Variants in C7 observed in about 807,000 individuals in gnomAD.
C7 encodes the protein complement component C7.
Under a neutral mutation model 104.8 loss-of-function variants are expected in C7, and 83 were observed. The ratio of observed to expected loss-of-function variants is 0.79; its 90% CI spans 0.66 to 0.95. The LOEUF (loss-of-function observed/expected upper bound fraction) is 0.95, where lower values mean the gene tolerates loss of function less well. Among genes scored for constraint, C7 ranks in the 40% least tolerant of loss-of-function variants. The probability of loss-of-function intolerance (pLI) is 0.00; values close to 1 mark genes in which losing one functional copy is unlikely to be tolerated. For synonymous variants in C7, 415 were observed against 360.6 expected, an observed-to-expected ratio of 1.15 and a Z score of -1.71; for missense variants, 1,070 against 1,011.2, an observed-to-expected ratio of 1.06 and a Z score of -0.79.
chr5:40,952,503 T>A (rs1740192965), intron 9 of C7, among the ~76,000 whole-genome samples: 1 of 151,806 alleles, frequency 6.6e-6, no homozygotes, highest in African/African-American at 2.4e-5. Context: ...TATTTATTTA[T>A]TTTTATTATA....
At chr5:40,913,859 T>TTAGTAGAGA (rs1190391511) in intron 1 of C7, among the ~76,000 whole-genome samples, 4 of 152,084 alleles carry the variant, frequency 2.6e-5, no homozygotes, top group African/African-American at 9.7e-5. Context: ...TTTTGTATTT[T>TTAGTAGAGA]TAGTAGAGAT....
chr5:40,959,217 C>T (rs148634211), intron 11 of C7, among the ~76,000 whole-genome samples: 5 of 152,274 alleles, frequency 3.3e-5, no homozygotes, highest in Non-Finnish European at 7.4e-5. Flanking sequence ...GTAAAATAAT[C>T]AACAAATTAA....
At chr5:40,951,712 T>C (rs1201797288) in intron 9 of C7, among the ~76,000 whole-genome samples, 1 of 152,194 alleles carries the variant, frequency 6.6e-6, no homozygotes, top group Non-Finnish European at 1.5e-5. Flanking sequence ...GGCCATAGAC[T>C]GAGCAGTATC....
rs112778074 is a variant in C7, at chr5:40,953,229, G to A, written c.1094-2158G>A. Among the ~76,000 whole-genome samples, 424 of 152,236 alleles carry A rather than the reference G, an allele frequency of 2.8e-3. 4 individuals carry two copies. Among genetic ancestry groups the A allele is most frequent in the African/African-American group, 9.9e-3 (411 of 41,544 alleles). On this transcript the variant is annotated intron_variant, in intron 9 of 17. Coordinates refer to ENST00000313164, the MANE Select transcript of C7 (RefSeq NM_000587.4). ...TCAAATATTGCATGTTCTCATATGT[G>A]AGGGTTAAAAAAATTGATCTCATGG...
At chr5:40,972,375 C>T (rs1273298067) in intron 14 of C7, 28 bp from the exon 15 acceptor site, 6 of 1,595,064 alleles carry the variant, frequency 3.8e-6, no homozygotes, top group Non-Finnish European at 5.2e-6. Flanking sequence ...AGCAACGACC[C>T]TTATATTTTG....
At chr5:40,959,860 G>T (rs992618709) in intron 12 of C7, among the ~76,000 whole-genome samples, 1 of 152,172 alleles carries the variant, frequency 6.6e-6, no homozygotes, top group Non-Finnish European at 1.5e-5. Flanking sequence ...GAGTGGATAC[G>T]ATCATTCTCA....
chr5:40,955,514 A>G lies in C7; in HGVS notation c.1221A>G (p.Ala407=), dbSNP rs747915729. 3 of 1,613,566 alleles carry G rather than the reference A, an allele frequency of 1.9e-6. No individual in the cohort carries two copies. The Admixed American group carries it at 5.0e-5, about 27-fold the overall frequency. Residue 407 remains alanine (A), a synonymous_variant, in exon 10 of 18, where the codon GCA becomes GCG. Transcript: ENST00000313164. ...AGNKRRYSAW[A]ESVTNLPQVI... ...ACAAAAGGCGATATTCTGCCTGGGC[A>G]GAATCTGTGACTAATCTTCCTCAAG...
rs1449790360 is a variant in C7 at position 40,928,774 on chromosome 5, A to G, written c.62+139A>G. ...TTCTCTTTCCATATTTTTATAAAAG[A>G]CAATGATAACAAAAGCATGTGTTTT... On this transcript the variant is annotated intron_variant, in intron 2 of 17. Coordinates refer to ENST00000313164, the MANE Select transcript of C7 (RefSeq NM_000587.4). 10 of 525,580 alleles carry G rather than the reference A, an allele frequency of 1.9e-5. No homozygotes were observed. The South Asian group carries it at 2.9e-4, about 15-fold the overall frequency. 32.6% of individuals were successfully genotyped at this position (525,580 alleles called of 1,614,324 possible). A position where few individuals can be genotyped will look rare whatever the true frequency, so the allele number is the denominator to read the frequency against.
intron 9 of C7, among the ~76,000 whole-genome samples, chr5:40,952,791 A>G (rs1740202762): frequency 6.6e-6 from 1 of 152,118 alleles, no homozygotes; most frequent in Non-Finnish European, 1.5e-5. Flanking sequence ...TGTGGCACAT[A>G]TACACCATGA....
chr5:40,927,685 A>G (rs547415425), intron 1 of C7, among the ~76,000 whole-genome samples: 7 of 152,256 alleles, frequency 4.6e-5, no homozygotes, highest in African/African-American at 1.7e-4. Flanking sequence ...AGATACGTAA[A>G]AAAAGTGCTC....
At chr5:40,910,269 A>G (rs1422696937) in intron 1 of C7, among the ~76,000 whole-genome samples, 2 of 152,264 alleles carry the variant, frequency 1.3e-5, no homozygotes, top group Admixed American at 6.5e-5. Flanking sequence ...AATCGCTATC[A>G]TAGACTAAAT....
rs576683022 is a variant in C7 at position 40,959,312 on chromosome 5, A to G, written c.1490-137A>G. The G allele has an allele frequency of 4.0e-5, 30 of 741,592 alleles. No individual in the cohort carries two copies. The South Asian group carries it at 6.6e-4, about 16-fold the overall frequency. 45.9% of individuals were successfully genotyped at this position (741,592 alleles called of 1,614,324 possible). A position where few individuals can be genotyped will look rare whatever the true frequency, so the allele number is the denominator to read the frequency against. The stretch of plus-strand genomic sequence containing the variant: ...GTAGAGCCATTCTGAACATTGTAGA[A>G]AACCTCAATGAAGAGTGAAGGTAAT... On this transcript the variant is annotated intron_variant, in intron 11 of 17. Coordinates refer to ENST00000313164, the MANE Select transcript of C7 (RefSeq NM_000587.4).
intron 9 of C7, among the ~76,000 whole-genome samples, chr5:40,952,090 G>T (rs958900528): frequency 6.6e-6 from 1 of 152,244 alleles, no homozygotes; most frequent in African/African-American, 2.4e-5. Context: ...TCAGTCTTCA[G>T]TTGGGCTGGC....
chr5:40,961,095 C>T (rs1016102001), intron 12 of C7, among the ~76,000 whole-genome samples: 2 of 152,180 alleles, frequency 1.3e-5, no homozygotes, highest in Non-Finnish European at 2.9e-5. Flanking sequence ...GACACTAAGA[C>T]TTCGTATTTC....
intron 6 of C7, among the ~76,000 whole-genome samples, chr5:40,942,611 G>A (rs1476540021): frequency 6.6e-6 from 1 of 152,064 alleles, no homozygotes; most frequent in Non-Finnish European, 1.5e-5. Flanking sequence ...TCAAAATTTT[G>A]CAGAATTTAA....
At chr5:40,923,678 G>A (rs1345934668) in intron 1 of C7, among the ~76,000 whole-genome samples, 1 of 151,944 alleles carries the variant, frequency 6.6e-6, no homozygotes, top group Non-Finnish European at 1.5e-5. Flanking sequence ...CCCAGGGGGT[G>A]GAGGTTGCAG....
intron 2 of C7, among the ~76,000 whole-genome samples, chr5:40,929,720 T>C (rs1034906827): frequency 1.3e-5 from 2 of 152,202 alleles, no homozygotes; most frequent in African/African-American, 4.8e-5. Flanking sequence ...ATGGCCAGAA[T>C]GTGAGCATTT....
At chr5:40,970,725 A>T (rs910924174) in intron 14 of C7, among the ~76,000 whole-genome samples, 2 of 152,106 alleles carry the variant, frequency 1.3e-5, no homozygotes, top group African/African-American at 4.8e-5. Flanking sequence ...CCTCGCATGC[A>T]TTAGGTATTT....
At chr5:40,938,054 T>G (rs558680578) in intron 6 of C7, among the ~76,000 whole-genome samples, 11 of 152,268 alleles carry the variant, frequency 7.2e-5, no homozygotes, top group African/African-American at 2.6e-4. Flanking sequence ...TAAAATGCTT[T>G]TATTTTAAAA....
Sources: allele counts gnomAD v4.1 joint callset (sites outside exome capture counted in the v4.1 genomes callset), GRCh38; gene constraint gnomAD v4.1.1; transcripts MANE v1.5; gene names NCBI Gene and HGNC (gene_info 2026-07-23, HGNC 2026-07-21).